ARHGAP28: variants seen among roughly 807,000 people sequenced by gnomAD.
ARHGAP28 encodes rho GTPase-activating protein 28.
ARHGAP28 carries 56 observed loss-of-function variants against 90.7 expected under a neutral mutation model. The observed-to-expected ratio is 0.62, with a 90% CI of 0.50 to 0.77. The LOEUF is 0.77. ARHGAP28 is among the 30% of genes least tolerant of loss of function. The pLI, the probability that ARHGAP28 is intolerant of heterozygous loss-of-function variation, is 0.00. For missense variants in ARHGAP28, 869 were observed against 900.9 expected (o/e 0.96, Z 0.45); for synonymous variants, 308 against 323.3 (o/e 0.95, Z 0.51).
intron 1 of ARHGAP28, among the ~76,000 whole-genome samples, chr18:6,742,980 C>A (rs1051799001): frequency 6.6e-6 from 1 of 152,114 alleles, no homozygotes; most frequent in Non-Finnish European, 1.5e-5. Flanking sequence ...CAGTGATGGT[C>A]TTTGCTATTG....
rs58323439 is a variant in ARHGAP28, at chr18:6,833,806, G to C, written c.326-3391G>C. Among the ~76,000 whole-genome samples the C allele has an allele frequency of 4.6e-3, 699 of 152,158 alleles. 5 individuals are homozygous for C. Among genetic ancestry groups the C allele is most frequent in the African/African-American group, 0.013 (553 of 41,534 alleles). Reference sequence around the variant, plus strand: ...TTATCTTGGGAGGTACCTTCAAACTGTATAAACATCCCACTCTACACCAAG... The same window carrying C: ...TTATCTTGGGAGGTACCTTCAAACTCTATAAACATCCCACTCTACACCAAG... On this transcript the variant is annotated intron_variant, in intron 2 of 17. Transcript: ENST00000383472.
intron 3 of ARHGAP28, among the ~76,000 whole-genome samples, chr18:6,849,205 C>T (rs988225624): frequency 1.0e-4 from 15 of 145,800 alleles, no homozygotes; most frequent in Admixed American, 5.0e-4. Context: ...TTGCAGTGAG[C>T]TGTGATCTCA....
At chr18:6,845,022 T>A (rs2056855857) in intron 3 of ARHGAP28, among the ~76,000 whole-genome samples, 1 of 152,202 alleles carries the variant, frequency 6.6e-6, no homozygotes, top group African/African-American at 2.4e-5. Flanking sequence ...TGAGCTACCC[T>A]CCATGTATCC....
At chr18:6,798,128 T>C (rs1291631654) in intron 1 of ARHGAP28, among the ~76,000 whole-genome samples, 1 of 152,088 alleles carries the variant, frequency 6.6e-6, no homozygotes, top group Non-Finnish European at 1.5e-5. Context: ...CAATTGGAGA[T>C]TCATATGCAA....
chr18:6,893,889 TAG>T (rs1054416934), intron 14 of ARHGAP28, among the ~76,000 whole-genome samples: 7 of 132,466 alleles, frequency 5.3e-5, no homozygotes, highest in African/African-American at 1.7e-4. Context: ...TTTTTTGAGA[TAG>T]AGTCTTGCTC....
At chr18:6,882,042 A>G in intron 10 of ARHGAP28, 95 bp from the exon 11 acceptor site, 1 of 1,216,924 alleles carries the variant, frequency 8.2e-7, no homozygotes, top group Non-Finnish European at 1.1e-6. Flanking sequence ...CAGTCTGTTT[A>G]CAAAAACAGT....
chr18:6,795,566 C>A (rs1240322220), intron 1 of ARHGAP28, among the ~76,000 whole-genome samples: 2 of 152,204 alleles, frequency 1.3e-5, no homozygotes, highest in Non-Finnish European at 2.9e-5. Context: ...ACTACTAACT[C>A]TACACTGGCA....
At chr18:6,737,056 C>A (rs189715909) in intron 1 of ARHGAP28, among the ~76,000 whole-genome samples, 161 of 152,208 alleles carry the variant, frequency 1.1e-3, no homozygotes, top group African/African-American at 3.8e-3. Flanking sequence ...TATTTCTCAA[C>A]CATATGGTCT....
Position 6,873,461 on chromosome 18 carries a change from C to T in ARHGAP28, c.1007C>T (p.Ser336Phe). The T allele has an allele frequency of 6.2e-7, 1 of 1,613,990 alleles. No individual in the cohort carries two copies. Among genetic ancestry groups the T allele is most frequent in the Non-Finnish European group, 8.5e-7 (1 of 1,179,982 alleles). ...RFGLTEAGDL[S>F]AEDMKKIRHL... ...GGCTTAACTGAAGCAGGAGATCTGTCTGCTGAAGACATGAAGAAAATCCGC... is the reference window on the plus strand; with the variant it reads ...GGCTTAACTGAAGCAGGAGATCTGTTTGCTGAAGACATGAAGAAAATCCGC... Residue 336 changes from serine (S) to phenylalanine (F), a missense_variant, in exon 8 of 18, where the codon TCT becomes TTT. Physicochemically the swap from Ser to Phe is radical, Grantham distance 155. Coordinates refer to ENST00000383472, the MANE Select transcript of ARHGAP28 (RefSeq NM_001366230.1).
At chr18:6,757,256 G>C (rs2056118908) in intron 1 of ARHGAP28, among the ~76,000 whole-genome samples, 2 of 152,210 alleles carry the variant, frequency 1.3e-5, no homozygotes, top group Non-Finnish European at 1.5e-5. Flanking sequence ...ACATGGTGAA[G>C]TTTGGAAAAC....
chr18:6,769,023 C>T (rs1044912799), intron 1 of ARHGAP28, among the ~76,000 whole-genome samples: 9 of 152,110 alleles, frequency 5.9e-5, no homozygotes, highest in Admixed American at 3.9e-4. Flanking sequence ...TGGCCAGAAA[C>T]AATTTCAGCT....
chr18:6,831,656 C>T (rs2056718047), intron 2 of ARHGAP28, among the ~76,000 whole-genome samples: 1 of 151,946 alleles, frequency 6.6e-6, no homozygotes, highest in African/African-American at 2.4e-5. Flanking sequence ...GGATTATCTA[C>T]ATAAGCAAAC....
intron 1 of ARHGAP28, among the ~76,000 whole-genome samples, chr18:6,815,752 T>C (rs1032627997): frequency 8.5e-5 from 13 of 152,206 alleles, no homozygotes; most frequent in African/African-American, 3.1e-4. Flanking sequence ...TTTAGACCTC[T>C]GCAATAAAGC....
chr18:6,903,276 A>G (rs2057347071), intron 16 of ARHGAP28, among the ~76,000 whole-genome samples: 1 of 152,204 alleles, frequency 6.6e-6, no homozygotes, highest in Non-Finnish European at 1.5e-5. Flanking sequence ...TAAACTATAC[A>G]CTTAAAAATT....
rs200459107 is a variant in ARHGAP28, at chr18:6,882,093, T to C, written c.1291-44T>C. ...TTTCGAAGGGGAAAATGGGGTCAGG[T>C]GGTAAAAGTGCATTGAATACTGACT... On this transcript the variant is annotated intron_variant, in intron 10 of 17. Transcript: ENST00000383472. 1.9e-5 allele frequency: 29 copies of C among 1,557,196 alleles called. No individual in the cohort carries two copies. The Admixed American group carries it at 5.1e-4, about 27-fold the overall frequency.
At chr18:6,911,114 G>A (rs981894805) in intron 17 of ARHGAP28, among the ~76,000 whole-genome samples, 6 of 152,048 alleles carry the variant, frequency 3.9e-5, no homozygotes, top group Non-Finnish European at 7.4e-5. Flanking sequence ...GATTACAGGC[G>A]TGAGCCACCG....
intron 1 of ARHGAP28, among the ~76,000 whole-genome samples, chr18:6,805,479 CTTTTTTTTTTTTTT>C (rs756550297): frequency 1.0e-5 from 1 of 97,528 alleles, no homozygotes; most frequent in Non-Finnish European, 2.0e-5. Flanking sequence ...TAACCTTTGC[CTTTTTTTTTTTTTT>C]TTTTTTTTTG....
intron 15 of ARHGAP28, among the ~76,000 whole-genome samples, chr18:6,896,098 C>T (rs552209952): frequency 6.6e-6 from 1 of 152,268 alleles, no homozygotes; most frequent in African/African-American, 2.4e-5. Flanking sequence ...ATTGGAGAAG[C>T]CATATTTTCT....
chr18:6,767,173 T>C (rs912643077), intron 1 of ARHGAP28, among the ~76,000 whole-genome samples: 6 of 152,200 alleles, frequency 3.9e-5, no homozygotes, highest in Non-Finnish European at 8.8e-5. Context: ...CATGACACTT[T>C]ATCTTATCAC....
Sources: gnomAD v4.1 joint callset for allele counts (sites outside exome capture counted in the v4.1 genomes callset) on GRCh38, gnomAD v4.1.1 for gene constraint, MANE v1.5 for transcripts, NCBI Gene and HGNC (gene_info 2026-07-23, HGNC 2026-07-21) for gene names.